LTBP2: variants seen among roughly 807,000 people sequenced by gnomAD.
LTBP2 encodes latent-transforming growth factor beta-binding protein 2.
In LTBP2, 103 loss-of-function variants were observed where a neutral mutation model predicts 210.6. That is an observed-to-expected ratio of 0.49 (90% CI 0.42 to 0.58). The LOEUF (loss-of-function observed/expected upper bound fraction) is 0.58, where lower values mean the gene tolerates loss of function less well. Among genes scored for constraint, LTBP2 ranks in the 20% least tolerant of loss-of-function variants. The pLI is 0.00. For synonymous variants in LTBP2, 1,007 were observed against 1,015.0 expected, an observed-to-expected ratio of 0.99 and a Z score of 0.15; for missense variants, 2,313 against 2,494.5, an observed-to-expected ratio of 0.93 and a Z score of 1.55.
At chr14:74,596,306 G>A (rs1341612879) in intron 2 of LTBP2, among the ~76,000 whole-genome samples, 2 of 152,064 alleles carry the variant, frequency 1.3e-5, no homozygotes, top group Non-Finnish European at 2.9e-5. Flanking sequence ...GGTACGTGAG[G>A]GATGGAGGAG....
intron 25 of LTBP2, 112 bp downstream of exon 25, chr14:74,507,861 G>C: frequency 1.4e-6 from 2 of 1,448,178 alleles, no homozygotes; most frequent in South Asian, 1.2e-5. Context: ...TACACTATTT[G>C]TTGGACACTT....
Position 74,503,273 on chromosome 14 carries a change from G to C in LTBP2, c.4834C>G (p.Gln1612Glu). 1 of 1,614,066 alleles carries C rather than the reference G, an allele frequency of 6.2e-7. No individual in the cohort carries two copies. The change falls in exon 33 of 36, where the codon CAG (glutamine) becomes GAG (glutamate). Residue 1612 changes from glutamine to glutamate, a missense_variant. By Grantham distance (29) the Gln-to-Glu change is conservative. Around this residue, in one of 3 missense-constraint regions of LTBP2, gnomAD observed 443 missense variants for 501.4 expected, o/e 0.88. Coordinates refer to ENST00000261978, the MANE Select transcript of LTBP2 (RefSeq NM_000428.3). Reference protein sequence around the residue: ...HRTTYTECCCQDGEAWSQQCA... With the variant: ...HRTTYTECCCEDGEAWSQQCA... ...TGCTGGCTCCAGGCCTCGCCGTCCTGGCAGCAGCATTCCGTGTAGGTGGTG... is the reference window on the plus strand; with the variant it reads ...TGCTGGCTCCAGGCCTCGCCGTCCTCGCAGCAGCATTCCGTGTAGGTGGTG...
At position 74,506,707 on chromosome 14, in the gene LTBP2, C is replaced by T. The variant is rs764951484; in HGVS notation, c.4024G>A (p.Asp1342Asn). Residue 1342 changes from aspartate (D) to asparagine (N), a missense_variant, in exon 27 of 36, where the codon GAC (aspartate) becomes AAC (asparagine). Physicochemically the swap from Asp to Asn is conservative, Grantham distance 23. Transcript: ENST00000261978. The stretch of plus-strand genomic sequence containing the variant: ...CCCACAGGCTCCTCACCCACACAGT[C>T]CCAGCCTGAGGGAGAGATCTCGAAG... ...QGFEISPSGW[D>N]CVDVNECELM... The T allele has an allele frequency of 8.7e-6, 14 of 1,613,600 alleles. No homozygotes were observed. The highest frequency in any genetic ancestry group is 1.7e-5 in the Admixed American group (1 of 60,032).
chr14:74,509,937 G>T, intron 20 of LTBP2, 78 bp from the exon 21 acceptor site: 1 of 1,611,698 alleles, frequency 6.2e-7, no homozygotes, highest in South Asian at 1.1e-5. Context: ...GCAGGGGTGG[G>T]GGAAGGACAG....
intron 8 of LTBP2, among the ~76,000 whole-genome samples, chr14:74,540,425 A>G (rs573021607): frequency 7.2e-5 from 11 of 152,064 alleles, no homozygotes; most frequent in South Asian, 4.2e-4. Context: ...GTGAGTCGAG[A>G]TCATGCCTCT....
chr14:74,514,663 C>A (rs2139701612), intron 18 of LTBP2, among the ~76,000 whole-genome samples: 1 of 152,332 alleles, frequency 6.6e-6, no homozygotes, highest in East Asian at 1.9e-4. Flanking sequence ...AGTCTATCCC[C>A]TGTCCGTGGG....
intron 19 of LTBP2, 96 bp from the exon 20 acceptor site, chr14:74,510,309 A>C: frequency 6.4e-7 from 1 of 1,572,818 alleles, no homozygotes; most frequent in Non-Finnish European, 8.6e-7. Context: ...AGGCCAGGGA[A>C]CCAGCCTTCA....
chr14:74,602,659 T>C (rs2088464704), intron 2 of LTBP2, among the ~76,000 whole-genome samples: 1 of 152,266 alleles, frequency 6.6e-6, no homozygotes, highest in Non-Finnish European at 1.5e-5. Context: ...ATGAAGGTAC[T>C]GGCTCTTGTT....
At chr14:74,567,126 C>G (rs11622806) in intron 3 of LTBP2, among the ~76,000 whole-genome samples, 9 of 152,104 alleles carry the variant, frequency 5.9e-5, no homozygotes, top group African/African-American at 2.2e-4. Context: ...CTCTGCGTGT[C>G]GGGGTTAATG....
chr14:74,506,341 G>A, intron 27 of LTBP2, 150 bp from the exon 28 acceptor site: 1 of 1,062,702 alleles, frequency 9.4e-7, no homozygotes, highest in Non-Finnish European at 1.4e-6. Context: ...AGGAACCAAT[G>A]GACAGAGGGC....
chr14:74,509,290 G>A lies in LTBP2; in HGVS notation c.3351C>T (p.Cys1117=). The change falls in exon 22 of 36, where the codon TGC becomes TGT. Residue 1117 remains cysteine, a synonymous_variant. Transcript: ENST00000261978. ...VCTNTAGSFS[C]KDCDGGYRPS... is the part of the protein sequence containing the mutation. ...GCCGGTAGCCCCCATCGCAGTCCTT[G>A]CAGGAGAAGGAGCCAGCCGTGTTGG... 2 of 1,613,682 alleles carry A rather than the reference G, an allele frequency of 1.2e-6. No individual in the cohort carries two copies. The highest frequency in any genetic ancestry group is 2.2e-5 in the South Asian group (2 of 91,084).
intron 1 of LTBP2, among the ~76,000 whole-genome samples, chr14:74,609,556 G>A (rs1437167410): frequency 6.6e-6 from 1 of 152,004 alleles, no homozygotes; most frequent in East Asian, 1.9e-4. Context: ...TGCTACCCCT[G>A]GGCCAGTGCC....
At chr14:74,548,921 C>A (rs1453752356) in intron 8 of LTBP2, among the ~76,000 whole-genome samples, 2 of 152,228 alleles carry the variant, frequency 1.3e-5, no homozygotes, top group African/African-American at 2.4e-5. Context: ...CCCTTTGCTA[C>A]TTCGCCAAAA....
chr14:74,587,511 A>G (rs36063013), intron 2 of LTBP2, among the ~76,000 whole-genome samples: 56,283 of 150,576 alleles, frequency 0.37, 12,107 homozygotes, highest in Non-Finnish European at 0.49. Context: ...ACCCCCAAAG[A>G]CCTGGGCAGT....
chr14:74,508,457 G>A, intron 24 of LTBP2, 147 bp downstream of exon 24: 1 of 1,444,820 alleles, frequency 6.9e-7, no homozygotes, highest in South Asian at 1.2e-5. Context: ...CCCTGGGCAG[G>A]GCCGTGAGCA....
At chr14:74,600,001 T>C (rs899949798) in intron 2 of LTBP2, among the ~76,000 whole-genome samples, 3 of 152,182 alleles carry the variant, frequency 2.0e-5, no homozygotes, top group African/African-American at 7.2e-5. Flanking sequence ...TTCCCCAACA[T>C]TGGCAGTCTC....
chr14:74,514,582 GC>G (rs2087111949), intron 18 of LTBP2, among the ~76,000 whole-genome samples: 1 of 152,144 alleles, frequency 6.6e-6, no homozygotes, highest in African/African-American at 2.4e-5. Context: ...AGGCACTCAG[GC>G]AGGGGCCAGA....
At chr14:74,557,267 G>T (rs1473597763) in intron 3 of LTBP2, among the ~76,000 whole-genome samples, 1 of 151,990 alleles carries the variant, frequency 6.6e-6, no homozygotes, top group Non-Finnish European at 1.5e-5. Flanking sequence ...TCTCAAAAAA[G>T]CAAAACAAAA....
At chr14:74,579,362 G>A (rs2088105564) in intron 3 of LTBP2, among the ~76,000 whole-genome samples, 1 of 152,172 alleles carries the variant, frequency 6.6e-6, no homozygotes, top group Non-Finnish European at 1.5e-5. Flanking sequence ...CAGAGTCCCT[G>A]TGCTCCCAAC....
Sources: gnomAD v4.1 joint callset for allele counts (sites outside exome capture counted in the v4.1 genomes callset) on GRCh38, gnomAD v4.1.1 for gene constraint, gnomAD v4.1.1 regional missense constraint, MANE v1.5 for transcripts, NCBI Gene and HGNC (gene_info 2026-07-23, HGNC 2026-07-21) for gene names.